Variants in FNIP2 observed in about 807,000 individuals in gnomAD.
The protein encoded by FNIP2 is folliculin interacting protein 2, also known as folliculin-interacting protein 2.
FNIP2 carries 32 observed loss-of-function variants against 108.7 expected under a neutral mutation model. That is an observed-to-expected ratio of 0.29 (90% CI 0.22 to 0.40). FNIP2 has a LOEUF of 0.40. Ranked by LOEUF, FNIP2 falls within the 10% of genes least tolerant of loss-of-function variation. The probability of loss-of-function intolerance (pLI) is 1.00; values close to 1 mark genes in which losing one functional copy is unlikely to be tolerated. For missense variants in FNIP2, 1,202 were observed against 1,381.6 expected, an observed-to-expected ratio of 0.87 and a Z score of 2.06; for synonymous variants, 480 against 496.7, an observed-to-expected ratio of 0.97 and a Z score of 0.45.
In FNIP2 at chr4:158,869,350, G is replaced by T. The variant is rs1407114582; in HGVS notation, c.2714G>T (p.Cys905Phe). 1.9e-6 allele frequency: 3 copies of T among 1,612,972 alleles called. No homozygotes were observed. Among genetic ancestry groups the T allele is most frequent in the African/African-American group, 2.7e-5 (2 of 74,910 alleles). ...CTGGGAGACAGTGACGACGAAGCCT[G>T]CGCTTCAGCCATGCTAGATCTGGGT... ...SALGDSDDEA[C>F]ASAMLDLGHG... The change falls in exon 13 of 17, where the codon TGC (cysteine) becomes TTC (phenylalanine). Residue 905 changes from cysteine to phenylalanine, a missense_variant. Coordinates refer to ENST00000264433, the MANE Select transcript of FNIP2 (RefSeq NM_020840.3).
intron 14 of FNIP2, among the ~76,000 whole-genome samples, 178 bp downstream of exon 14, chr4:158,870,647 A>C (rs754396966): frequency 1.3e-5 from 2 of 152,240 alleles, no homozygotes; most frequent in Non-Finnish European, 2.9e-5. Context: ...AGCAGCTGGA[A>C]GCTAGAAAGC....
chr4:158,885,164 T>A (rs907876474), intron 14 of FNIP2, among the ~76,000 whole-genome samples: 2 of 151,450 alleles, frequency 1.3e-5, no homozygotes, highest in Admixed American at 1.3e-4. Flanking sequence ...TCAAAAAAAA[T>A]AAAAAAATCA....
At chr4:158,790,958 C>A (rs1271128737) in intron 1 of FNIP2, among the ~76,000 whole-genome samples, 2 of 151,140 alleles carry the variant, frequency 1.3e-5, no homozygotes, top group Non-Finnish European at 2.9e-5. Flanking sequence ...TTTTTAAATT[C>A]TTGTCTTTCC....
rs1192733349 is a variant in FNIP2 at position 158,831,866 on chromosome 4, A to G, written c.387A>G (p.Thr129=). 3.7e-6 allele frequency: 6 copies of G among 1,610,138 alleles called. No individual in the cohort carries two copies. The highest frequency in any genetic ancestry group is 5.1e-6 in the Non-Finnish European group (6 of 1,177,922). Residue 129 remains threonine (T), a synonymous_variant, in exon 4 of 17, where the codon ACA becomes ACG. Transcript: ENST00000264433. ...AKEQLPKYQY[T]RPASDVNMLG... ...TTTTGTTTTCTTGCATGTAGTACACAAGACCAGCTTCCGATGTCAACATGT... is the reference window on the plus strand; with the variant it reads ...TTTTGTTTTCTTGCATGTAGTACACGAGACCAGCTTCCGATGTCAACATGT...
At chr4:158,780,915 G>A (rs1265818577) in intron 1 of FNIP2, among the ~76,000 whole-genome samples, 1 of 151,794 alleles carries the variant, frequency 6.6e-6, no homozygotes, top group Admixed American at 6.6e-5. Flanking sequence ...TGCACCTGTA[G>A]TCCCAGCTAC....
chr4:158,835,566 C>CTGT, intron 7 of FNIP2, 90 bp downstream of exon 7: 3 of 1,149,338 alleles, frequency 2.6e-6, no homozygotes, highest in Non-Finnish European at 3.9e-6. Context: ...GGTAGATAAC[C>CTGT]CTCATCCTGT....
chr4:158,841,650 A>G (rs1056270890), intron 7 of FNIP2, among the ~76,000 whole-genome samples: 5 of 152,240 alleles, frequency 3.3e-5, no homozygotes, highest in Non-Finnish European at 5.9e-5. Flanking sequence ...GAGCCCTGGC[A>G]GTACAACTTG....
intron 7 of FNIP2, among the ~76,000 whole-genome samples, chr4:158,850,411 AG>A (rs1779631480): frequency 6.6e-6 from 1 of 151,912 alleles, no homozygotes; most frequent in African/African-American, 2.4e-5. Flanking sequence ...TTGACTTGAA[AG>A]AAACCCTTTG....
At chr4:158,877,510 T>C (rs1377755219) in intron 14 of FNIP2, among the ~76,000 whole-genome samples, 2 of 152,262 alleles carry the variant, frequency 1.3e-5, no homozygotes, top group Non-Finnish European at 1.5e-5. Flanking sequence ...GAAAAATTTC[T>C]GATAAGCAAA....
At chr4:158,783,186 G>A (rs572219501) in intron 1 of FNIP2, among the ~76,000 whole-genome samples, 1 of 152,336 alleles carries the variant, frequency 6.6e-6, no homozygotes, top group African/African-American at 2.4e-5. Flanking sequence ...TGCTATTTAA[G>A]AGGAGAGTTC....
At chr4:158,825,443 A>C (rs750848578) in intron 1 of FNIP2, among the ~76,000 whole-genome samples, 21 of 152,142 alleles carry the variant, frequency 1.4e-4, no homozygotes, top group Admixed American at 5.2e-4. Flanking sequence ...AATTCCTCTT[A>C]ATTTGACCTG....
intron 1 of FNIP2, among the ~76,000 whole-genome samples, chr4:158,777,444 T>G (rs1217500575): frequency 6.6e-6 from 1 of 152,232 alleles, no homozygotes; most frequent in East Asian, 1.9e-4. Context: ...GAGAAACTAA[T>G]TTAGAAATGG....
chr4:158,796,264 G>C (rs982356259), intron 1 of FNIP2, among the ~76,000 whole-genome samples: 28 of 152,320 alleles, frequency 1.8e-4, no homozygotes, highest in Admixed American at 1.8e-3. Flanking sequence ...CGGTACTTTA[G>C]AAGGGGAAAT....
At chr4:158,811,896 G>A (rs367789546) in intron 1 of FNIP2, among the ~76,000 whole-genome samples, 2 of 152,176 alleles carry the variant, frequency 1.3e-5, no homozygotes, top group Non-Finnish European at 2.9e-5. Context: ...CAAGCCACGC[G>A]GGTGTTTGAG....
intron 1 of FNIP2, among the ~76,000 whole-genome samples, chr4:158,802,591 G>T (rs77174074): frequency 0.013 from 1,940 of 152,260 alleles, 18 homozygotes; most frequent in Non-Finnish European, 0.018. Flanking sequence ...TGAAGAATGT[G>T]AAGTCAAGGA....
chr4:158,868,649 G>T lies in FNIP2; in HGVS notation c.2013G>T (p.Leu671Phe), dbSNP rs1780734567. Residue 671 changes from leucine (L) to phenylalanine (F), a missense_variant, in exon 13 of 17, where the codon TTG (leucine) becomes TTT (phenylalanine). Physicochemically the swap from Leu to Phe is conservative, Grantham distance 22. Coordinates refer to ENST00000264433, the MANE Select transcript of FNIP2 (RefSeq NM_020840.3). The surrounding 1 kb of genome is among the most constrained non-coding windows in gnomAD (Gnocchi z 4.6). ...CAAGACTTCCCAGCTGTGAAGTTTT[G>T]GGGGCAGGAATGAAGATGGACCAGC... ...GSSRLPSCEV[L>F]GAGMKMDQQA... The T allele has an allele frequency of 1.2e-6, 2 of 1,613,888 alleles. No homozygotes were observed. The highest frequency in any genetic ancestry group is 1.3e-5 in the African/African-American group (1 of 74,938).
chr4:158,872,868 A>AAT, intron 14 of FNIP2: 3 of 629,126 alleles, frequency 4.8e-6, no homozygotes, highest in Non-Finnish European at 5.9e-6. Context: ...TGAATATTTA[A>AAT]ATTCTTGAAT....
intron 1 of FNIP2, among the ~76,000 whole-genome samples, chr4:158,815,275 T>G (rs2126523104): frequency 6.6e-6 from 1 of 152,340 alleles, no homozygotes; most frequent in African/African-American, 2.4e-5. Context: ...CTTCTCACTA[T>G]GCTGTTTTGA....
intron 12 of FNIP2, among the ~76,000 whole-genome samples, chr4:158,863,675 C>G (rs1330582149): frequency 6.6e-6 from 1 of 152,156 alleles, no homozygotes; most frequent in Non-Finnish European, 1.5e-5. Flanking sequence ...TAGAAAATAT[C>G]AGTGATTTAC....
Sources: allele counts gnomAD v4.1 joint callset (sites outside exome capture counted in the v4.1 genomes callset), GRCh38; gene constraint gnomAD v4.1.1; non-coding constraint Gnocchi (gnomAD v3.1); transcripts MANE v1.5; gene names NCBI Gene and HGNC (gene_info 2026-07-23, HGNC 2026-07-21).